ATP6V1C2: variants seen among roughly 807,000 people sequenced by gnomAD.
ATP6V1C2 encodes the protein ATPase H+ transporting V1 subunit C2.
Under a neutral mutation model 56.8 loss-of-function variants are expected in ATP6V1C2, and 45 were observed. The observed-to-expected ratio is 0.79, with a 90% CI of 0.62 to 1.02. The LOEUF is 1.02. ATP6V1C2 is among the 50% of genes least tolerant of loss of function. ATP6V1C2 has a pLI of 0.00. For synonymous variants in ATP6V1C2, 220 were observed against 201.3 expected, an observed-to-expected ratio of 1.09 and a Z score of -0.79; for missense variants, 463 against 519.7, an observed-to-expected ratio of 0.89 and a Z score of 1.06.
intron 4 of ATP6V1C2, among the ~76,000 whole-genome samples, chr2:10,756,886 A>G (rs1663579565): frequency 6.6e-6 from 1 of 151,996 alleles, no homozygotes; most frequent in South Asian, 2.1e-4. Flanking sequence ...CTCAGAATGT[A>G]TCCCTGTCAT....
At position 10,730,607 on chromosome 2, in the gene ATP6V1C2, GTTT is replaced by G. The variant is rs60355432; in HGVS notation, c.197+4054_197+4056del. 2.4e-3 allele frequency among the ~76,000 whole-genome samples: 280 copies of G among 118,690 alleles called. 2 individuals are homozygous for G. Among genetic ancestry groups the G allele is most frequent in the East Asian group, 0.017 (68 of 4,118 alleles). The allele number at this position is 118,690 out of a possible 152,430, so 77.9% of individuals were successfully genotyped here. On this transcript the variant is annotated intron_variant, in intron 3 of 13. Coordinates refer to ENST00000272238, the MANE Select transcript of ATP6V1C2 (RefSeq NM_001039362.2). The stretch of plus-strand genomic sequence containing the variant: ...CCAAGTAGTTTGCTGTTCACAGTGG[GTTT>G]TTTTTTTTTTTTTTTGAAATGAGAT...
chr2:10,758,413 G>A (rs912076667), intron 4 of ATP6V1C2, among the ~76,000 whole-genome samples: 3 of 152,088 alleles, frequency 2.0e-5, no homozygotes, highest in African/African-American at 4.8e-5. Context: ...TGTGCCTCCC[G>A]TGAGTCGGGT....
chr2:10,725,436 A>AGGT, intron 2 of ATP6V1C2, among the ~76,000 whole-genome samples: 1 of 151,272 alleles, frequency 6.6e-6, no homozygotes, highest in East Asian at 2.0e-4. Flanking sequence ...AAAAGGACCT[A>AGGT]GGTGAATGAT....
chr2:10,762,191 G>A (rs1249780153), intron 4 of ATP6V1C2, among the ~76,000 whole-genome samples: 1 of 150,368 alleles, frequency 6.7e-6, no homozygotes, highest in Non-Finnish European at 1.5e-5. Flanking sequence ...CGTTGCCCAG[G>A]CTGGAGTGCA....
At chr2:10,732,790 G>A (rs1237132534) in intron 3 of ATP6V1C2, among the ~76,000 whole-genome samples, 1 of 151,746 alleles carries the variant, frequency 6.6e-6, no homozygotes, top group African/African-American at 2.4e-5. Flanking sequence ...GGTCAACACG[G>A]TGAAACCCCA....
At chr2:10,750,079 G>A (rs2884288) in intron 3 of ATP6V1C2, among the ~76,000 whole-genome samples, 105,000 of 152,090 alleles carry the variant, frequency 0.69, 37,560 homozygotes, top group Non-Finnish European at 0.79. Flanking sequence ...GATGACCATC[G>A]TTAATGATCA....
At position 10,784,362 on chromosome 2, in the gene ATP6V1C2, G is replaced by T; in HGVS notation, c.*1099G>T. The T allele has an allele frequency of 1.3e-6, 2 of 1,549,602 alleles. No homozygotes were observed. The highest frequency in any genetic ancestry group is 1.8e-6 in the Non-Finnish European group (2 of 1,126,792). Reference sequence around the variant, plus strand: ...ACAGAAAGCCACTGTTAGATCTGCAGAAGGGGACACCCTGGAAGGTCAACA... The same window carrying T: ...ACAGAAAGCCACTGTTAGATCTGCATAAGGGGACACCCTGGAAGGTCAACA... On this transcript the variant is annotated 3_prime_UTR_variant, in exon 14 of 14. Coordinates refer to ENST00000272238, the MANE Select transcript of ATP6V1C2 (RefSeq NM_001039362.2).
intron 2 of ATP6V1C2, among the ~76,000 whole-genome samples, chr2:10,724,114 C>T (rs1436290961): frequency 6.6e-6 from 1 of 152,144 alleles, no homozygotes; most frequent in African/African-American, 2.4e-5. Context: ...CTTTCTGAGG[C>T]TGTAGGTTTC....
At position 10,721,687 on chromosome 2, in the gene ATP6V1C2, C is replaced by T. The variant is rs1661363542; in HGVS notation, c.-71C>T. On this transcript the variant is annotated 5_prime_UTR_variant, in exon 1 of 14. Coordinates refer to ENST00000272238, the MANE Select transcript of ATP6V1C2 (RefSeq NM_001039362.2). ...CTCCGGCCCCGCACCCGCCGCCCGT[C>T]GCCCGCAGCCCCCTACCGCGCGGCC... The T allele has an allele frequency of 6.6e-6, 1 of 151,642 alleles. No individual in the cohort carries two copies. Among genetic ancestry groups the T allele is most frequent in the Admixed American group, 6.6e-5 (1 of 15,210 alleles). The allele number at this position is 151,642 out of a possible 1,614,324, so 9.4% of individuals were successfully genotyped here.
At chr2:10,777,512 G>A in intron 10 of ATP6V1C2, 73 bp from the exon 11 acceptor site, 3 of 1,567,450 alleles carry the variant, frequency 1.9e-6, no homozygotes, top group Non-Finnish European at 2.6e-6. Flanking sequence ...GTGCCTTTCA[G>A]GCGATGAGAA....
At chr2:10,743,875 C>T (rs1218395814) in intron 3 of ATP6V1C2, among the ~76,000 whole-genome samples, 1 of 151,772 alleles carries the variant, frequency 6.6e-6, no homozygotes, top group Non-Finnish European at 1.5e-5. Context: ...ATCCCAGCTA[C>T]TCGAGAGGCT....
At chr2:10,754,452 C>G (rs949921907) in intron 4 of ATP6V1C2, among the ~76,000 whole-genome samples, 1 of 152,044 alleles carries the variant, frequency 6.6e-6, no homozygotes, top group African/African-American at 2.4e-5. Flanking sequence ...CCTCAAGCTC[C>G]CAACCTCAAG....
rs148791618 is a variant in ATP6V1C2 at position 10,766,287 on chromosome 2, C to T, written c.378+1862C>T. ...ACCGGCAACACAGTGTGACACCCCC[C>T]GCCTCAGCCTCGCTCTGCCAACGAG... On this transcript the variant is annotated intron_variant, in intron 5 of 13. Transcript: ENST00000272238. Among the ~76,000 whole-genome samples the T allele has an allele frequency of 8.5e-5, 13 of 152,278 alleles. No individual in the cohort carries two copies. The East Asian group carries it at 1.9e-3, about 23-fold the overall frequency.
In ATP6V1C2 at chr2:10,722,975, C is replaced by A; in HGVS notation, c.126C>A (p.Phe42Leu). ...ATACCAAATTCGCTATTCCTGACTT[C>A]AAGGTAAAATTCTTGGGGAGGAGTG... ...SYNTKFAIPD[F>L]KVGTLDSLVG... is the part of the protein sequence containing the mutation. The change falls in exon 2 of 14, where the codon TTC (phenylalanine) becomes TTA (leucine). Residue 42 changes from phenylalanine to leucine, a missense_variant. By Grantham distance (22) the Phe-to-Leu change is conservative (BLOSUM62 0). Transcript: ENST00000272238. The A allele has an allele frequency of 2.5e-6, 4 of 1,613,768 alleles. No homozygotes were observed. The highest frequency in any genetic ancestry group is 3.4e-6 in the Non-Finnish European group (4 of 1,179,902).
intron 3 of ATP6V1C2, among the ~76,000 whole-genome samples, chr2:10,744,002 AAT>A (rs1406086403): frequency 4.1e-4 from 60 of 146,012 alleles, no homozygotes; most frequent in Admixed American, 6.8e-4. Flanking sequence ...AAAAAATAAT[AAT>A]AATAAATAAA....
chr2:10,739,365 C>T (rs1319066696), intron 3 of ATP6V1C2, among the ~76,000 whole-genome samples: 3 of 152,102 alleles, frequency 2.0e-5, no homozygotes, highest in Non-Finnish European at 4.4e-5. Flanking sequence ...TCTGTGCCCT[C>T]GATGTAAAAT....
intron 3 of ATP6V1C2, among the ~76,000 whole-genome samples, chr2:10,746,877 AT>A (rs879941809): frequency 3.3e-5 from 5 of 152,248 alleles, no homozygotes; most frequent in Non-Finnish European, 5.9e-5. Context: ...ATTTAGGTAT[AT>A]ACTGACATAA....
intron 4 of ATP6V1C2, among the ~76,000 whole-genome samples, chr2:10,761,856 G>A (rs1663928746): frequency 6.6e-6 from 1 of 152,194 alleles, no homozygotes; most frequent in South Asian, 2.1e-4. Context: ...TCCAACACCA[G>A]CATCCTAAGT....
At chr2:10,739,806 A>C (rs1662446947) in intron 3 of ATP6V1C2, among the ~76,000 whole-genome samples, 1 of 152,148 alleles carries the variant, frequency 6.6e-6, no homozygotes, top group Non-Finnish European at 1.5e-5. Flanking sequence ...GTTTAAATAA[A>C]ACTTTACCAA....
Sources: allele counts gnomAD v4.1 joint callset (sites outside exome capture counted in the v4.1 genomes callset), GRCh38; gene constraint gnomAD v4.1.1; transcripts MANE v1.5; gene names NCBI Gene and HGNC (gene_info 2026-07-23, HGNC 2026-07-21).